Variants in C17orf67 observed in about 807,000 individuals in gnomAD.
C17orf67 encodes the protein chromosome 17 open reading frame 67.
A neutral mutation model predicts 11.2 loss-of-function variants in C17orf67; 12 were observed. The ratio of observed to expected loss-of-function variants is 1.07; its 90% CI spans 0.68 to 1.73. The LOEUF (loss-of-function observed/expected upper bound fraction) is 1.73, where lower values mean the gene tolerates loss of function less well. Among genes scored for constraint, C17orf67 ranks in the 40% most tolerant of loss-of-function variants. C17orf67 has a pLI of 0.00. For synonymous variants in C17orf67, 59 were observed against 46.9 expected, an observed-to-expected ratio of 1.26 and a Z score of -1.05; for missense variants, 115 against 113.5, an observed-to-expected ratio of 1.01 and a Z score of -0.06.
chr17:56,802,573 G>A (rs891161031), intron 6 of C17orf67, among the ~76,000 whole-genome samples: 1 of 152,118 alleles, frequency 6.6e-6, no homozygotes, highest in Non-Finnish European at 1.5e-5. Flanking sequence ...TTTGTAAAAA[G>A]TCTCTTTATT....
intron 6 of C17orf67, among the ~76,000 whole-genome samples, chr17:56,809,796 CACACACCCCTT>C (rs1567795941): frequency 1.4e-5 from 2 of 146,454 alleles, no homozygotes; most frequent in South Asian, 4.5e-4. Flanking sequence ...ACAGACCCCT[CACACACCCCTT>C]ACACATACAC....
intron 4 of C17orf67, among the ~76,000 whole-genome samples, 169 bp downstream of exon 4, chr17:56,824,570 T>C (rs1049537720): frequency 1.3e-5 from 2 of 152,208 alleles, no homozygotes; most frequent in Admixed American, 6.5e-5. Flanking sequence ...AAAAGCAGCC[T>C]CCTTCCTCTT....
At chr17:56,793,265 T>A (rs767860435) in intron 7 of C17orf67, among the ~76,000 whole-genome samples, 3 of 152,114 alleles carry the variant, frequency 2.0e-5, no homozygotes, top group African/African-American at 4.8e-5. Context: ...CTAAGGTTAT[T>A]CAGCCAGTGA....
At chr17:56,819,252 T>C (rs1448536700) in intron 4 of C17orf67, among the ~76,000 whole-genome samples, 6 of 152,070 alleles carry the variant, frequency 3.9e-5, no homozygotes, top group African/African-American at 1.4e-4. Flanking sequence ...CATGTGCTTT[T>C]TCTCCCTCTT....
At chr17:56,810,106 GAC>G (rs1259470724) in intron 6 of C17orf67, among the ~76,000 whole-genome samples, 32 of 56,454 alleles carry the variant, frequency 5.7e-4, no homozygotes, top group Non-Finnish European at 9.2e-4. Flanking sequence ...TCACACTTCT[GAC>G]ACACACCCTC....
chr17:56,826,960 T>C (rs1176153454), intron 2 of C17orf67, among the ~76,000 whole-genome samples: 2 of 152,274 alleles, frequency 1.3e-5, no homozygotes, highest in Non-Finnish European at 2.9e-5. Flanking sequence ...TTGTTGGTTA[T>C]GTTTTGACAG....
intron 6 of C17orf67, among the ~76,000 whole-genome samples, chr17:56,807,672 C>T (rs999221118): frequency 4.6e-5 from 7 of 152,146 alleles, no homozygotes; most frequent in African/African-American, 2.4e-5. Context: ...CCCTTCTTTT[C>T]GCACAGCCTG....
intron 2 of C17orf67, among the ~76,000 whole-genome samples, chr17:56,825,580 G>A (rs1320990749): frequency 6.6e-6 from 1 of 151,834 alleles, no homozygotes; most frequent in Non-Finnish European, 1.5e-5. Flanking sequence ...GAGAATCTAA[G>A]GAAATAACCC....
chr17:56,811,857 A>G (rs1905636587), intron 6 of C17orf67, among the ~76,000 whole-genome samples: 1 of 152,230 alleles, frequency 6.6e-6, no homozygotes, highest in Non-Finnish European at 1.5e-5. Flanking sequence ...AAATGCTTTT[A>G]TGTTCCCAAC....
chr17:56,795,006 C>A, intron 7 of C17orf67, 38 bp downstream of exon 7: 1 of 1,444,186 alleles, frequency 6.9e-7, no homozygotes, highest in East Asian at 2.3e-5. Context: ...CCCCACCACT[C>A]CCTCAGACAG....
intron 6 of C17orf67, among the ~76,000 whole-genome samples, chr17:56,801,931 T>C (rs1270804942): frequency 1.3e-5 from 2 of 152,170 alleles, no homozygotes; most frequent in Admixed American, 1.3e-4. Context: ...CAGGGAGGAA[T>C]AGAAGCTAAG....
chr17:56,809,924 C>T (rs1390201596), intron 6 of C17orf67, among the ~76,000 whole-genome samples: 4 of 147,978 alleles, frequency 2.7e-5, no homozygotes, highest in Non-Finnish European at 6.0e-5. Flanking sequence ...CACCCTCACA[C>T]ACCCCTCACA....
intron 2 of C17orf67, among the ~76,000 whole-genome samples, chr17:56,830,345 A>C (rs1201465016): frequency 2.0e-5 from 3 of 146,556 alleles, no homozygotes; most frequent in African/African-American, 7.4e-5. Context: ...ACTCCGTCTC[A>C]AAAAAAAAAA....
intron 7 of C17orf67, among the ~76,000 whole-genome samples, chr17:56,793,469 C>T (rs1219631483): frequency 6.6e-6 from 1 of 152,214 alleles, no homozygotes; most frequent in African/African-American, 2.4e-5. Context: ...AGGCCTCAGT[C>T]ACCCTTGGAG....
chr17:56,804,239 T>C (rs1905392783), intron 6 of C17orf67: 1 of 152,198 alleles, frequency 6.6e-6, no homozygotes, highest in African/African-American at 2.4e-5. Context: ...GATAATGAAC[T>C]TAAATACCCA....
chr17:56,807,073 G>A (rs1393312705), intron 6 of C17orf67, among the ~76,000 whole-genome samples: 2 of 152,234 alleles, frequency 1.3e-5, no homozygotes, highest in Non-Finnish European at 2.9e-5. Context: ...ACCAGGAAGA[G>A]GTCAGGCTGG....
intron 4 of C17orf67, among the ~76,000 whole-genome samples, chr17:56,817,696 C>T (rs970380879): frequency 4.6e-5 from 7 of 151,110 alleles, no homozygotes; most frequent in African/African-American, 1.7e-4. Context: ...CTCAAGTGAT[C>T]CTCCTGCTTC....
At chr17:56,818,009 AATTTTTGTAT>A (rs2144138955) in intron 4 of C17orf67, among the ~76,000 whole-genome samples, 1 of 152,068 alleles carries the variant, frequency 6.6e-6, no homozygotes, top group Admixed American at 6.5e-5. Flanking sequence ...ATGCCCAGCT[AATTTTTGTAT>A]ATTTTTGTAG....
intron 2 of C17orf67, among the ~76,000 whole-genome samples, chr17:56,831,529 G>A (rs1295757976): frequency 6.6e-6 from 1 of 152,168 alleles, no homozygotes; most frequent in East Asian, 1.9e-4. Flanking sequence ...AGCAAGGAAC[G>A]TGGAGGATCA....
Sources: gnomAD v4.1 joint callset for allele counts (sites outside exome capture counted in the v4.1 genomes callset) on GRCh38, gnomAD v4.1.1 for gene constraint, MANE v1.5 for transcripts, NCBI Gene and HGNC (gene_info 2026-07-23, HGNC 2026-07-21) for gene names.